Variants in UST observed in about 807,000 individuals in gnomAD.
UST encodes the protein uronyl 2-sulfotransferase, also known as chondroitin sulfate 2-O-sulfotransferase.
UST carries 21 observed loss-of-function variants against 45.6 expected under a neutral mutation model. The ratio of observed to expected loss-of-function variants is 0.46; its 90% confidence interval spans 0.33 to 0.66. The LOEUF is 0.66. Among genes scored for constraint, UST ranks in the 30% least tolerant of loss-of-function variants. The pLI is 0.02. For synonymous variants in UST, 215 were observed against 200.6 expected, an observed-to-expected ratio of 1.07 and a Z score of -0.61; for missense variants, 463 against 512.4, an observed-to-expected ratio of 0.90 and a Z score of 0.93.
intron 1 of UST, among the ~76,000 whole-genome samples, chr6:148,872,493 T>A (rs2114818231): frequency 6.9e-6 from 1 of 144,802 alleles, no homozygotes; most frequent in South Asian, 2.1e-4. Context: ...CATTCAGCAG[T>A]CTTCAGAGAG....
At chr6:148,776,482 C>G (rs7757430) in intron 1 of UST, among the ~76,000 whole-genome samples, 4 of 152,150 alleles carry the variant, frequency 2.6e-5, no homozygotes, top group Non-Finnish European at 4.4e-5. Context: ...TCATCTCATT[C>G]TTTTCTGCAC....
intron 2 of UST, among the ~76,000 whole-genome samples, chr6:148,907,211 C>T (rs1488660059): frequency 2.0e-5 from 3 of 152,262 alleles, no homozygotes; most frequent in South Asian, 4.1e-4. Context: ...TTTAAGTATA[C>T]TTTTCAGCCA....
chr6:149,019,626 A>G (rs1775951501), intron 6 of UST, among the ~76,000 whole-genome samples: 1 of 152,192 alleles, frequency 6.6e-6, no homozygotes, highest in African/African-American at 2.4e-5. Context: ...CTGTACAGTG[A>G]CTGACTTAAC....
At chr6:149,001,083 T>C (rs544534208) in intron 5 of UST, among the ~76,000 whole-genome samples, 135 of 151,382 alleles carry the variant, frequency 8.9e-4, no homozygotes, top group African/African-American at 3.0e-3. Flanking sequence ...TTTTTTTTTT[T>C]TTTTTTGAGA....
chr6:148,776,788 G>A (rs932136477), intron 1 of UST, among the ~76,000 whole-genome samples: 2 of 152,080 alleles, frequency 1.3e-5, no homozygotes, highest in East Asian at 1.9e-4. Flanking sequence ...TTTGAATCTC[G>A]TAAGACATTG....
intron 1 of UST, among the ~76,000 whole-genome samples, chr6:148,767,233 T>C (rs1776340619): frequency 6.6e-6 from 1 of 152,246 alleles, no homozygotes; most frequent in South Asian, 2.1e-4. Flanking sequence ...AAGCATTTCA[T>C]AGATATCTTT....
chr6:149,034,550 C>T (rs1776202153), intron 7 of UST, among the ~76,000 whole-genome samples: 1 of 152,224 alleles, frequency 6.6e-6, no homozygotes, highest in Admixed American at 6.5e-5. Context: ...GCCCTCTCCT[C>T]TTTCCACCAA....
intron 5 of UST, among the ~76,000 whole-genome samples, chr6:148,983,731 G>A (rs1324415079): frequency 2.0e-5 from 3 of 152,224 alleles, no homozygotes; most frequent in Non-Finnish European, 4.4e-5. Context: ...GAAACAAAAT[G>A]ATAAAACTCA....
At chr6:148,870,424 C>T (rs1328528339) in intron 1 of UST, among the ~76,000 whole-genome samples, 1 of 152,176 alleles carries the variant, frequency 6.6e-6, no homozygotes, top group East Asian at 1.9e-4. Flanking sequence ...CTTCCATTTG[C>T]CTTTTGAATG....
At chr6:148,974,618 C>T (rs1206289999) in intron 5 of UST, among the ~76,000 whole-genome samples, 3 of 152,132 alleles carry the variant, frequency 2.0e-5, no homozygotes, top group South Asian at 4.1e-4. Flanking sequence ...TAGAACAAAC[C>T]GCTTTTTCTC....
intron 6 of UST, among the ~76,000 whole-genome samples, 152 bp from the exon 7 acceptor site, chr6:149,021,152 TTGGAAGGACTGGGAAGGCCC>T (rs1463136573): frequency 1.3e-5 from 2 of 152,024 alleles, no homozygotes; most frequent in African/African-American, 4.8e-5. Flanking sequence ...AGGACACCAG[TTGGAAGGACTGGGAAGGCCC>T]TGGATGGGGC....
Position 149,074,993 on chromosome 6 carries a change from C to G in UST, c.*877C>G, listed in dbSNP as rs1459613564. On this transcript the variant is annotated 3_prime_UTR_variant, in exon 8 of 8. Coordinates refer to ENST00000367463, the MANE Select transcript of UST (RefSeq NM_005715.3). ...CCGTGCTGACAGATATCAAAGTACT[C>G]TAGCAGGGAAAATAATTTGTTTGCT... The G allele has an allele frequency of 6.6e-6, 1 of 152,204 alleles. No individual in the cohort carries two copies. The highest frequency in any genetic ancestry group is 1.5e-5 in the Non-Finnish European group (1 of 68,084). 9.4% of individuals were successfully genotyped at this position (152,204 alleles called of 1,614,324 possible). A position where few individuals can be genotyped will look rare whatever the true frequency, so the allele number is the denominator to read the frequency against.
intron 7 of UST, among the ~76,000 whole-genome samples, chr6:149,050,899 A>C (rs1207952908): frequency 3.3e-5 from 5 of 152,174 alleles, no homozygotes; most frequent in African/African-American, 1.2e-4. Context: ...ATCTCTTCCT[A>C]ATTCTTTCCT....
At chr6:148,796,736 T>C (rs9498161) in intron 1 of UST, among the ~76,000 whole-genome samples, 86,486 of 148,162 alleles carry the variant, frequency 0.58, 25,877 homozygotes, top group East Asian at 0.94. Flanking sequence ...CCTGCTTCCC[T>C]AGTACAGGCT....
intron 2 of UST, among the ~76,000 whole-genome samples, chr6:148,928,154 T>C (rs2114906547): frequency 6.6e-6 from 1 of 152,142 alleles, no homozygotes; most frequent in Non-Finnish European, 1.5e-5. Context: ...TCTATTGCCC[T>C]AGGGCAACTA....
At chr6:148,815,693 C>T (rs1777341836) in intron 1 of UST, among the ~76,000 whole-genome samples, 1 of 152,062 alleles carries the variant, frequency 6.6e-6, no homozygotes, top group Non-Finnish European at 1.5e-5. Flanking sequence ...AAAAAGAGTT[C>T]AGAACAAATA....
chr6:148,991,873 G>A (rs2114992960), intron 5 of UST, among the ~76,000 whole-genome samples: 1 of 152,322 alleles, frequency 6.6e-6, no homozygotes, highest in Non-Finnish European at 1.5e-5. Flanking sequence ...TAGGAGGTCA[G>A]TAGCAGAAGT....
intron 1 of UST, among the ~76,000 whole-genome samples, chr6:148,750,092 C>T (rs1403629210): frequency 6.6e-6 from 1 of 152,208 alleles, no homozygotes; most frequent in Non-Finnish European, 1.5e-5. Flanking sequence ...AACACATCCT[C>T]TCAATTTCCT....
intron 1 of UST, among the ~76,000 whole-genome samples, chr6:148,831,743 T>C (rs1006976473): frequency 4.6e-5 from 7 of 152,096 alleles, no homozygotes; most frequent in African/African-American, 1.7e-4. Context: ...TGCAGAGAGC[T>C]ATGATTGTGC....
Sources: allele counts gnomAD v4.1 joint callset (sites outside exome capture counted in the v4.1 genomes callset), GRCh38; gene constraint gnomAD v4.1.1; transcripts MANE v1.5; gene names NCBI Gene and HGNC (gene_info 2026-07-23, HGNC 2026-07-21).